CD177: variants seen among roughly 807,000 people sequenced by gnomAD.
CD177 encodes the protein CD177 molecule, also known as CD177 antigen.
Under a neutral mutation model 38.1 loss-of-function variants are expected in CD177, and 41 were observed. That is an observed-to-expected ratio of 1.07 (90% confidence interval 0.84 to 1.39). The LOEUF (loss-of-function observed/expected upper bound fraction) is 1.39. Among genes scored for constraint, CD177 ranks in the 40% most tolerant of loss-of-function variants. The probability of loss-of-function intolerance (pLI) is 0.00; values close to 1 mark genes in which losing one functional copy is unlikely to be tolerated. For synonymous variants in CD177, 236 were observed against 216.7 expected, an observed-to-expected ratio of 1.09 and a Z score of -0.78; for missense variants, 619 against 523.8, an observed-to-expected ratio of 1.18 and a Z score of -1.77.
At position 43,362,406 on chromosome 19, in the gene CD177, C is replaced by A; in HGVS notation, c.*86C>A. 1 of 612,750 alleles carries A rather than the reference C, an allele frequency of 1.6e-6. No homozygotes were observed. 38.0% of individuals were successfully genotyped at this position (612,750 alleles called of 1,614,324 possible). On this transcript the variant is annotated 3_prime_UTR_variant, in exon 9 of 9. Coordinates refer to ENST00000618265, the MANE Select transcript of CD177 (RefSeq NM_020406.4). ...CTCATAACCTAATGGCCTTGGACAC[C>A]AGATTCTTTCCCATTCTGTCCATGA... is the stretch of plus-strand genomic sequence containing the variant.
intron 5 of CD177, 33 bp downstream of exon 5, chr19:43,356,141 G>T: frequency 6.0e-6 from 3 of 496,606 alleles, no homozygotes; most frequent in Non-Finnish European, 7.1e-6. Flanking sequence ...GCCCTGGACT[G>T]CAGCCTCGGG....
At position 43,360,383 on chromosome 19, in the gene CD177, G is replaced by C. The variant is rs1969946006; in HGVS notation, c.738G>C (p.Glu246Asp). Residue 246 changes from glutamate (E) to aspartate (D), a missense_variant, in exon 6 of 9, where the codon GAG becomes GAC. Coordinates refer to ENST00000618265, the MANE Select transcript of CD177 (RefSeq NM_020406.4). ...GCGAGGTGGGGCAGGTGTGTCAGGA[G>C]ACGCTGCTGCTCCTAGATGTAGGTA... ...EMCEVGQVCQETLLLLDVGLT... is the reference protein window; with the variant it reads ...EMCEVGQVCQDTLLLLDVGLT... The C allele has an allele frequency of 1.2e-6, 2 of 1,605,864 alleles. No homozygotes were observed. The highest frequency in any genetic ancestry group is 1.7e-5 in the Admixed American group (1 of 58,756).
Position 43,361,512 on chromosome 19 carries a change from C to A in CD177, c.1014C>A (p.Gly338=), listed in dbSNP as rs770927380. The change falls in exon 8 of 9, where the codon GGC becomes GGA. Residue 338 remains glycine, a synonymous_variant. Coordinates refer to ENST00000618265, the MANE Select transcript of CD177 (RefSeq NM_020406.4). Reference sequence around the variant, plus strand: ...AGCCCCTTGGAACCTGTTCAAGTGGCTCCCCCCGAATGACCTGCCCCAGGG... The same window carrying A: ...AGCCCCTTGGAACCTGTTCAAGTGGATCCCCCCGAATGACCTGCCCCAGGG... ...CVQPLGTCSS[G]SPRMTCPRGA... is the part of the protein sequence containing the mutation. 50 of 1,591,374 alleles carry A rather than the reference C, an allele frequency of 3.1e-5. No homozygotes were observed. The highest frequency in any genetic ancestry group is 4.2e-5 in the Non-Finnish European group (49 of 1,163,612).
In CD177 at chr19:43,361,306, G is replaced by A; in HGVS notation, c.924G>A (p.Leu308=). Residue 308 remains leucine, a synonymous_variant, in exon 7 of 9, where the codon CTG becomes CTA. Transcript: ENST00000618265. ...ATAGTGCCAGCAGCAGCAGCGTTCT[G>A]CTGAACTCCCTCCCTCCTCAAGGTA... ...LCNSASSSSV[L]LNSLPPQAAP... 6.5e-7 allele frequency: 1 copy of A among 1,546,686 alleles called. No individual in the cohort carries two copies. Among genetic ancestry groups the A allele is most frequent in the South Asian group, 1.1e-5 (1 of 87,106 alleles).
chr19:43,365,231 G>A (rs1970017762), downstream of CD177, among the ~76,000 whole-genome samples: 1 of 141,444 alleles, frequency 7.1e-6, no homozygotes, highest in Non-Finnish European at 1.5e-5. Context: ...CCTTCCAGGG[G>A]CTTAGCCCCG....
rs185339514 is a variant in CD177 at position 43,355,810 on chromosome 19, T to C, written c.502+27T>C. On this transcript the variant is annotated intron_variant, in intron 4 of 8. Transcript: ENST00000618265. ...TAAGCCTGGGACATCGGGGTCCCTG[T>C]GGGGACTGAACTGGAAGGTCTGGGG... 2.2e-3 allele frequency: 3,585 copies of C among 1,609,686 alleles called. 51 individuals carry two copies. In the African/African-American group the frequency reaches 0.029, roughly 13 times the overall value.
chr19:43,354,041 C>T, intron 2 of CD177, 48 bp downstream of exon 2: 2 of 1,594,288 alleles, frequency 1.3e-6, no homozygotes, highest in Non-Finnish European at 8.6e-7. Flanking sequence ...CCCTCAGTCC[C>T]TTGATCCCTG....
At chr19:43,360,033 G>A (rs573587711) in intron 5 of CD177, among the ~76,000 whole-genome samples, 4 of 151,900 alleles carry the variant, frequency 2.6e-5, no homozygotes, top group African/African-American at 4.8e-5. Context: ...AGGAACGGCC[G>A]TTCCCCCAGG....
chr19:43,354,107 C>G, intron 2 of CD177, 100 bp from the exon 3 acceptor site: 1 of 1,561,268 alleles, frequency 6.4e-7, no homozygotes, highest in South Asian at 1.2e-5. Flanking sequence ...TCCCGGTGAT[C>G]CCCTTTCCAG....
rs1357737394 is a variant in CD177, at chr19:43,354,411, G to C, written c.379+19G>C. 11 of 1,612,638 alleles carry C rather than the reference G, an allele frequency of 6.8e-6. No homozygotes were observed. The highest frequency in any genetic ancestry group is 9.3e-6 in the Non-Finnish European group (11 of 1,179,190). On this transcript the variant is annotated intron_variant, in intron 3 of 8. Transcript: ENST00000618265. ...CCAGCAGGTGCCTGCGGGAGGGTCG[G>C]GAGGAGAGGGAGGGGCTGCTAGAAG... is the stretch of plus-strand genomic sequence containing the variant.
chr19:43,355,352 T>C (rs1230494525), intron 3 of CD177, among the ~76,000 whole-genome samples: 1 of 151,558 alleles, frequency 6.6e-6, no homozygotes, highest in Non-Finnish European at 1.5e-5. Context: ...GACCTCGTGA[T>C]CCACCTGCCT....
At chr19:43,355,530 C>A in intron 3 of CD177, 131 bp from the exon 4 acceptor site, 1 of 981,914 alleles carries the variant, frequency 1.0e-6, no homozygotes, top group Non-Finnish European at 1.6e-6. Context: ...ATGATGGGAG[C>A]TGCAGAAGGC....
rs913387113 is a variant in CD177, at chr19:43,362,384, A to G, written c.*64A>G. On this transcript the variant is annotated 3_prime_UTR_variant, in exon 9 of 9. Coordinates refer to ENST00000618265, the MANE Select transcript of CD177 (RefSeq NM_020406.4). ...CCACACTCAACCTCCCTCTGACCTCATAACCTAATGGCCTTGGACACCAGA... is the reference window on the plus strand; with the variant it reads ...CCACACTCAACCTCCCTCTGACCTCGTAACCTAATGGCCTTGGACACCAGA... 1.6e-5 allele frequency: 11 copies of G among 700,300 alleles called. No homozygotes were observed. Among genetic ancestry groups the G allele is most frequent in the African/African-American group, 7.1e-5 (4 of 56,110 alleles). 43.4% of individuals were successfully genotyped at this position (700,300 alleles called of 1,614,324 possible).
chr19:43,361,290 G>A lies in CD177; in HGVS notation c.908G>A (p.Ser303Asn). 6.5e-7 allele frequency: 1 copy of A among 1,539,158 alleles called. No individual in the cohort carries two copies. Among genetic ancestry groups the A allele is most frequent in the Non-Finnish European group, 8.9e-7 (1 of 1,119,438 alleles). ...TCCTCGGACCTGTGCAATAGTGCCA[G>A]CAGCAGCAGCGTTCTGCTGAACTCC... The part of the protein sequence containing the change: ...FCSSDLCNSA[S>N]SSSVLLNSLP... The change falls in exon 7 of 9, where the codon AGC becomes AAC. Residue 303 changes from serine to asparagine, a missense_variant. Transcript: ENST00000618265.
rs771651317 is a variant in CD177 at position 43,354,387 on chromosome 19, C to T, written c.374C>T (p.Pro125Leu). The T allele has an allele frequency of 3.1e-6, 5 of 1,613,812 alleles. No individual in the cohort carries two copies. In the South Asian group the frequency reaches 5.5e-5, roughly 18 times the overall value. Residue 125 changes from proline (P) to leucine (L), a missense_variant, in exon 3 of 9, where the codon CCA (proline) becomes CTA (leucine). Coordinates refer to ENST00000618265, the MANE Select transcript of CD177 (RefSeq NM_020406.4). The stretch of plus-strand genomic sequence containing the variant: ...CTCCCGCTTTGGGCCCCACAGCCCC[C>T]AGCAGGTGCCTGCGGGAGGGTCGGG... ...NSLPLWAPQP[P>L]ADPGSLRCPV... is the part of the protein sequence containing the mutation.
intron 3 of CD177, 169 bp downstream of exon 3, chr19:43,354,561 C>G (rs1969896057): frequency 2.9e-6 from 2 of 683,580 alleles, no homozygotes; most frequent in Admixed American, 2.4e-5. Flanking sequence ...CGCTCCCTTT[C>G]CATCCCTCCC....
rs1172948088 is a variant in CD177 at position 43,361,206 on chromosome 19, A to G, written c.824A>G (p.Lys275Arg). 1 of 1,552,978 alleles carries G rather than the reference A, an allele frequency of 6.4e-7. No homozygotes were observed. The highest frequency in any genetic ancestry group is 8.9e-7 in the Non-Finnish European group (1 of 1,126,334). The change falls in exon 7 of 9, where the codon AAG (lysine) becomes AGG (arginine). Residue 275 changes from lysine to arginine, a missense_variant. Physicochemically the swap from Lys to Arg is conservative, Grantham distance 26. Transcript: ENST00000618265. Reference protein sequence around the residue: ...CSTVGAQNSQKTTIHSAPPGV... With the variant: ...CSTVGAQNSQRTTIHSAPPGV... ...ACTGTTGGGGCTCAAAATTCCCAGA[A>G]GACCACCATCCACTCAGCCCCTCCT...
chr19:43,355,792 G>A lies in CD177; in HGVS notation c.502+9G>A. 10 of 1,612,922 alleles carry A rather than the reference G, an allele frequency of 6.2e-6. No homozygotes were observed. The highest frequency in any genetic ancestry group is 8.5e-6 in the Non-Finnish European group (10 of 1,179,428). ...CCTCAGGCTCAGGGGAGGTAAGCCT[G>A]GGACATCGGGGTCCCTGTGGGGACT... is the stretch of plus-strand genomic sequence containing the variant. On this transcript the variant is annotated intron_variant, in intron 4 of 8. Transcript: ENST00000618265.
rs1357217467 is a variant in CD177, at chr19:43,362,302, G to C, written c.1296G>C (p.Val432=). Residue 432 remains valine (V), a synonymous_variant, in exon 9 of 9, where the codon GTG becomes GTC. Coordinates refer to ENST00000618265, the MANE Select transcript of CD177 (RefSeq NM_020406.4). ...LALAPALWWG[V]VCPSC ...TGGCCCCAGCGCTGTGGTGGGGAGT[G>C]GTTTGCCCTTCCTGCTAACTCTATT... 4 of 1,544,470 alleles carry C rather than the reference G, an allele frequency of 2.6e-6. No individual in the cohort carries two copies. The highest frequency in any genetic ancestry group is 3.6e-6 in the Non-Finnish European group (4 of 1,123,818).
Sources: allele counts gnomAD v4.1 joint callset (sites outside exome capture counted in the v4.1 genomes callset), GRCh38; gene constraint gnomAD v4.1.1; transcripts MANE v1.5; gene names NCBI Gene and HGNC (gene_info 2026-07-23, HGNC 2026-07-21).